GRK7: variants seen among roughly 807,000 people sequenced by gnomAD.
GRK7 encodes the protein G protein-coupled receptor kinase 7, also known as rhodopsin kinase GRK7.
GRK7 carries 24 observed loss-of-function variants against 34.1 expected under a neutral mutation model. The observed-to-expected ratio is 0.70, with a 90% CI of 0.51 to 0.99. GRK7 has a LOEUF of 0.99. Ranked by LOEUF, GRK7 falls within the 50% of genes least tolerant of loss-of-function variation. The pLI, the probability that GRK7 is intolerant of heterozygous loss-of-function variation, is 0.00. For synonymous variants in GRK7, 256 were observed against 279.4 expected (o/e 0.92, Z 0.84); for missense variants, 644 against 707.3 (o/e 0.91, Z 1.02).
rs2084668055 is a variant in GRK7 at position 141,780,697 on chromosome 3, C to T, written c.936C>T (p.Ile312=). The stretch of plus-strand genomic sequence containing the variant: ...TGCTGCACCTCCATGAACTCGGCAT[C>T]GTCTATCGGGACATGAAGCCTGAGA... The part of the protein sequence containing the change: ...CGMLHLHELG[I]VYRDMKPENV... The change falls in exon 4 of 6, where the codon ATC becomes ATT. Residue 312 remains isoleucine, a synonymous_variant. Coordinates refer to ENST00000682958, the MANE Select transcript of GRK7 (RefSeq NM_139209.3). The T allele has an allele frequency of 1.9e-6, 3 of 1,614,186 alleles. No individual in the cohort carries two copies. The highest frequency in any genetic ancestry group is 1.1e-5 in the South Asian group (1 of 91,084).
upstream of GRK7, among the ~76,000 whole-genome samples, chr3:141,762,500 A>T (rs1318618011): frequency 6.7e-6 from 1 of 149,938 alleles, no homozygotes; most frequent in Non-Finnish European, 1.5e-5. Context: ...CTGCTGGGAG[A>T]ACCACTGCTC....
chr3:141,769,785 A>G (rs925094918), intron 1 of GRK7, among the ~76,000 whole-genome samples: 1 of 152,096 alleles, frequency 6.6e-6, no homozygotes, highest in African/African-American at 2.4e-5. Flanking sequence ...TGCATCTCCG[A>G]TCTTTCAGCT....
Position 141,791,359 on chromosome 3 carries a change from GTT to G in GRK7, c.1050+10557_1050+10558del, listed in dbSNP as rs550959736. Among the ~76,000 whole-genome samples the G allele has an allele frequency of 1.0e-4, 15 of 149,608 alleles. 1 individual carries two copies. Among genetic ancestry groups the G allele is most frequent in the African/African-American group, 3.7e-4 (15 of 40,898 alleles). ...ACAACCATCATGACCATGCCCCCCA[GTT>G]TTTTTTTTCTTTAAGTGCTCACTTC... is the stretch of plus-strand genomic sequence containing the variant. On this transcript the variant is annotated intron_variant, in intron 4 of 5. Coordinates refer to ENST00000682958, the MANE Select transcript of GRK7 (RefSeq NM_139209.3).
In GRK7 at chr3:141,778,291, G is replaced by C. The variant is rs866339926; in HGVS notation, c.7G>C (p.Asp3His). 1 of 1,566,420 alleles carries C rather than the reference G, an allele frequency of 6.4e-7. No homozygotes were observed. The highest frequency in any genetic ancestry group is 8.7e-7 in the Non-Finnish European group (1 of 1,154,086). ...GTGCGCCCCGTGCTCAGCCATGGTG[G>C]ACATGGGGGCCCTGGACAACCTGAT... MV[D>H]MGALDNLIAN... The change falls in exon 3 of 6, where the codon GAC becomes CAC. Residue 3 changes from aspartate to histidine, a missense_variant. By Grantham distance (81) the Asp-to-His change is moderately conservative. Coordinates refer to ENST00000682958, the MANE Select transcript of GRK7 (RefSeq NM_139209.3). The surrounding 1 kb of genome is among the most constrained non-coding windows in gnomAD (Gnocchi z 4.1).
intron 4 of GRK7, among the ~76,000 whole-genome samples, chr3:141,800,423 C>G (rs1467517776): frequency 9.1e-6 from 1 of 109,442 alleles, no homozygotes; most frequent in African/African-American, 3.4e-5. Flanking sequence ...AAATGAAAGA[C>G]AGAACCAAAA....
intron 4 of GRK7, among the ~76,000 whole-genome samples, chr3:141,800,397 A>G (rs1036115091): frequency 2.6e-5 from 4 of 151,764 alleles, no homozygotes; most frequent in Non-Finnish European, 5.9e-5. Context: ...AAAAAAAAAA[A>G]AAAAAAAACT....
chr3:141,819,171 T>G lies in GRK7; in HGVS notation c.*2121T>G, dbSNP rs1486849327. On this transcript the variant is annotated 3_prime_UTR_variant, in exon 6 of 6. Transcript: ENST00000682958. ...TAACCAGAGCACTCCAATGGTAGAG[T>G]TCTCAGGATTGGGCTTTATAGACGT... Among the ~76,000 whole-genome samples, 1 of 152,146 alleles carries G rather than the reference T, an allele frequency of 6.6e-6. No individual in the cohort carries two copies. Among genetic ancestry groups the G allele is most frequent in the Admixed American group, 6.6e-5 (1 of 15,266 alleles).
the GRK7 span, among the ~76,000 whole-genome samples, chr3:141,757,986 CT>C: frequency 3.3e-5 from 2 of 61,098 alleles, no homozygotes; most frequent in African/African-American, 7.4e-5. Flanking sequence ...CCTTCGCCCA[CT>C]TTTTGATGGG....
At position 141,817,382 on chromosome 3, in the gene GRK7, C is replaced by T. The variant is rs931019886; in HGVS notation, c.*332C>T. ...ACAGAGAATGGAACTTTGTGGTGTG[C>T]CCAGAAAATGAGCATTTGCAATTCT... On this transcript the variant is annotated 3_prime_UTR_variant, in exon 6 of 6. Transcript: ENST00000682958. 7 of 220,130 alleles carry T rather than the reference C, an allele frequency of 3.2e-5. No individual in the cohort carries two copies. The highest frequency in any genetic ancestry group is 5.7e-5 in the Admixed American group (1 of 17,552). The allele number at this position is 220,130 out of a possible 1,614,324, so 13.6% of individuals were successfully genotyped here. A position where few individuals can be genotyped will look rare whatever the true frequency, so the allele number is the denominator to read the frequency against.
Position 141,778,065 on chromosome 3 carries a change from G to A in GRK7, c.-113-107G>A. 1 of 530,464 alleles carries A rather than the reference G, an allele frequency of 1.9e-6. No homozygotes were observed. The highest frequency in any genetic ancestry group is 3.7e-5 in the South Asian group (1 of 27,130). 32.9% of individuals were successfully genotyped at this position (530,464 alleles called of 1,614,324 possible). A position where few individuals can be genotyped will look rare whatever the true frequency, so the allele number is the denominator to read the frequency against. On this transcript the variant is annotated intron_variant, in intron 2 of 5. Coordinates refer to ENST00000682958, the MANE Select transcript of GRK7 (RefSeq NM_139209.3). This position sits in a 1 kb window ranked among gnomAD's most constrained non-coding sequence, Gnocchi z 4.1. ...GTCCCAGCAGCTTTCGCCTTGGCAG[G>A]TGGGAGCATGACCTATCGTGTGCAG...
intron 4 of GRK7, among the ~76,000 whole-genome samples, chr3:141,805,424 C>T (rs1711025605): frequency 6.6e-6 from 1 of 152,256 alleles, no homozygotes; most frequent in South Asian, 2.1e-4. Context: ...ATGAGTAAGA[C>T]TGTATCCTGG....
At chr3:141,757,225 T>C in the GRK7 span, among the ~76,000 whole-genome samples, 1 of 151,170 alleles carries the variant, frequency 6.6e-6, no homozygotes, top group South Asian at 2.1e-4. Flanking sequence ...TGTATACATG[T>C]GCCATGCTGG....
intron 2 of GRK7, among the ~76,000 whole-genome samples, chr3:141,775,614 A>T (rs1214954982): frequency 6.6e-6 from 1 of 152,132 alleles, no homozygotes; most frequent in Non-Finnish European, 1.5e-5. Context: ...GCCTGGTTTG[A>T]ATTGAAATGT....
At chr3:141,793,975 G>A (rs914812353) in intron 4 of GRK7, among the ~76,000 whole-genome samples, 7 of 152,112 alleles carry the variant, frequency 4.6e-5, no homozygotes, top group Non-Finnish European at 7.3e-5. Context: ...TCCAACCCAC[G>A]ACTGGACCTG....
intron 4 of GRK7, among the ~76,000 whole-genome samples, chr3:141,790,860 G>A (rs576202618): frequency 6.6e-5 from 10 of 152,216 alleles, no homozygotes; most frequent in African/African-American, 1.9e-4. Flanking sequence ...CACCGCGCCC[G>A]GTCAACATGC....
At chr3:141,762,831 G>T (rs1199903429), upstream of GRK7, among the ~76,000 whole-genome samples, 1 of 152,220 alleles carries the variant, frequency 6.6e-6, no homozygotes, top group Non-Finnish European at 1.5e-5. Flanking sequence ...ATCTCGTGGT[G>T]TGCCGTTCTT....
intron 4 of GRK7, among the ~76,000 whole-genome samples, chr3:141,781,684 A>G (rs2084673158): frequency 6.6e-6 from 1 of 152,240 alleles, no homozygotes. Flanking sequence ...GCATTGGATG[A>G]AGATGATATT....
intron 1 of GRK7, among the ~76,000 whole-genome samples, chr3:141,773,655 C>A (rs1166126504): frequency 5.9e-5 from 9 of 152,164 alleles, no homozygotes; most frequent in Admixed American, 5.9e-4. Flanking sequence ...ACCTTGTGAT[C>A]TGCCCACCTT....
intron 4 of GRK7, among the ~76,000 whole-genome samples, chr3:141,802,463 A>G (rs1428302679): frequency 6.6e-6 from 1 of 151,860 alleles, no homozygotes; most frequent in Non-Finnish European, 1.5e-5. Flanking sequence ...GCTGATAGCC[A>G]TGATAGCCAT....
Sources: allele counts gnomAD v4.1 joint callset (sites outside exome capture counted in the v4.1 genomes callset), GRCh38; gene constraint gnomAD v4.1.1; non-coding constraint Gnocchi (gnomAD v3.1); transcripts MANE v1.5; gene names NCBI Gene and HGNC (gene_info 2026-07-23, HGNC 2026-07-21).